Variants in ERBB4 observed in about 807,000 individuals in gnomAD.
ERBB4 encodes the protein erb-b2 receptor tyrosine kinase 4.
Under a neutral mutation model 158.0 loss-of-function variants are expected in ERBB4, and 42 were observed. That is an observed-to-expected ratio of 0.27 (90% CI 0.21 to 0.34). The LOEUF (loss-of-function observed/expected upper bound fraction) is 0.34, where lower values mean the gene tolerates loss of function less well. Ranked by LOEUF, ERBB4 falls within the 10% of genes least tolerant of loss-of-function variation. ERBB4 has a pLI of 1.00. For synonymous variants in ERBB4, 583 were observed against 558.7 expected (o/e 1.04, Z -0.61); for missense variants, 1,333 against 1,624.1 (o/e 0.82, Z 3.08).
At chr2:212,444,335 T>A (rs111642655) in intron 1 of ERBB4, among the ~76,000 whole-genome samples, 5,857 of 152,234 alleles carry the variant, frequency 0.038, 394 homozygotes, top group African/African-American at 0.13. Flanking sequence ...TACACCTGGT[T>A]GTGCACCTTG....
At chr2:212,376,940 T>C (rs2090342716) in intron 1 of ERBB4, among the ~76,000 whole-genome samples, 2 of 152,000 alleles carry the variant, frequency 1.3e-5, no homozygotes, top group Non-Finnish European at 2.9e-5. Flanking sequence ...TCTGTCTTTA[T>C]TTCATTGTCT....
At chr2:212,079,829 G>C (rs566434057) in intron 2 of ERBB4, among the ~76,000 whole-genome samples, 16 of 152,056 alleles carry the variant, frequency 1.1e-4, no homozygotes, top group South Asian at 8.3e-4. Flanking sequence ...TTCTTTCTTT[G>C]ATAGTGCAAA....
At chr2:212,494,570 A>G (rs77407292) in intron 1 of ERBB4, among the ~76,000 whole-genome samples, 3 of 151,992 alleles carry the variant, frequency 2.0e-5, no homozygotes, top group Admixed American at 2.0e-4. Context: ...ATCCCCAGGA[A>G]ATGCCCAGGT....
intron 1 of ERBB4, among the ~76,000 whole-genome samples, chr2:212,129,317 C>CTT (rs2080036249): frequency 5.9e-5 from 9 of 151,436 alleles, no homozygotes; most frequent in African/African-American, 1.7e-4. Context: ...TATATAGAAG[C>CTT]TTAAACAACC....
intron 1 of ERBB4, among the ~76,000 whole-genome samples, chr2:212,199,467 T>C (rs2082528619): frequency 6.6e-6 from 1 of 152,220 alleles, no homozygotes; most frequent in African/African-American, 2.4e-5. Context: ...TCACAATTTG[T>C]AGTAGATACA....
chr2:211,644,680 G>A (rs1054180866), intron 16 of ERBB4, among the ~76,000 whole-genome samples: 1 of 151,856 alleles, frequency 6.6e-6, no homozygotes, highest in Non-Finnish European at 1.5e-5. Flanking sequence ...TTAACAATCA[G>A]CCATATGTAA....
At chr2:211,691,639 C>A (rs537291424) in intron 12 of ERBB4, among the ~76,000 whole-genome samples, 47 of 148,896 alleles carry the variant, frequency 3.2e-4, no homozygotes, top group African/African-American at 1.1e-3. Context: ...ACATAGAATA[C>A]AGCAGTTGTC....
intron 16 of ERBB4, among the ~76,000 whole-genome samples, chr2:211,655,333 T>C (rs551422896): frequency 6.6e-6 from 1 of 152,266 alleles, no homozygotes; most frequent in African/African-American, 2.4e-5. Context: ...GTTTGAGAAT[T>C]TTTGATGTAC....
chr2:211,804,509 C>CA (rs1012914162), intron 3 of ERBB4, among the ~76,000 whole-genome samples: 24 of 152,024 alleles, frequency 1.6e-4, no homozygotes, highest in Non-Finnish European at 1.5e-4. Context: ...AATACAATTC[C>CA]AAAAAAGTCT....
In ERBB4 at chr2:212,329,971, C is replaced by T. The variant is rs531482529; in HGVS notation, c.83-205068G>A. ...TAAAAGAGTCCACTGAAATCAAAAA[C>T]CATCTGGCTGTAGATCAATCTCTGA... On this transcript the variant is annotated intron_variant, in intron 1 of 27. Coordinates refer to ENST00000342788, the MANE Select transcript of ERBB4 (RefSeq NM_005235.3). Among the ~76,000 whole-genome samples, 69 of 152,016 alleles carry T rather than the reference C, an allele frequency of 4.5e-4. 1 individual carries two copies. Among genetic ancestry groups the T allele is most frequent in the Non-Finnish European group, 8.1e-4 (55 of 67,956 alleles).
At chr2:212,298,784 T>C (rs2086513193) in intron 1 of ERBB4, among the ~76,000 whole-genome samples, 1 of 151,778 alleles carries the variant, frequency 6.6e-6, no homozygotes, top group Admixed American at 6.6e-5. Context: ...ATGATTTTTT[T>C]GTTGAGACAG....
chr2:211,597,891 A>T (rs2068685832), intron 19 of ERBB4, among the ~76,000 whole-genome samples: 1 of 152,176 alleles, frequency 6.6e-6, no homozygotes, highest in South Asian at 2.1e-4. Flanking sequence ...AAAAAGAAAG[A>T]TTATATCTTT....
chr2:211,750,238 T>C (rs1488402862), intron 5 of ERBB4, among the ~76,000 whole-genome samples: 1 of 152,234 alleles, frequency 6.6e-6, no homozygotes, highest in Admixed American at 6.5e-5. Flanking sequence ...TAGTACCCTT[T>C]CTTTTTTCTT....
chr2:211,848,093 C>G (rs981154724), intron 3 of ERBB4, among the ~76,000 whole-genome samples: 1 of 152,066 alleles, frequency 6.6e-6, no homozygotes, highest in Non-Finnish European at 1.5e-5. Flanking sequence ...CATTCTGTAT[C>G]CTCTATTTAA....
At chr2:211,539,315 T>C (rs146227485) in intron 20 of ERBB4, among the ~76,000 whole-genome samples, 4 of 152,066 alleles carry the variant, frequency 2.6e-5, no homozygotes, top group African/African-American at 7.2e-5. Context: ...TGCTGTATGA[T>C]TTTTTGTGCT....
At chr2:212,469,955 C>T (rs1180351738) in intron 1 of ERBB4, among the ~76,000 whole-genome samples, 2 of 152,058 alleles carry the variant, frequency 1.3e-5, no homozygotes, top group African/African-American at 2.4e-5. Context: ...CTGTATTATT[C>T]TAAGTTAAGT....
At chr2:212,051,678 T>C (rs570886277) in intron 2 of ERBB4, among the ~76,000 whole-genome samples, 5 of 152,298 alleles carry the variant, frequency 3.3e-5, no homozygotes, top group Admixed American at 2.0e-4. Flanking sequence ...TTTTAAACTA[T>C]AATGTGGTCA....
intron 3 of ERBB4, among the ~76,000 whole-genome samples, chr2:211,824,223 C>T (rs1253855211): frequency 2.0e-5 from 3 of 152,020 alleles, no homozygotes; most frequent in African/African-American, 7.2e-5. Context: ...CTCATTCCTT[C>T]TCAGCTAATT....
intron 20 of ERBB4, among the ~76,000 whole-genome samples, chr2:211,483,341 A>C (rs1390042193): frequency 6.6e-6 from 1 of 152,206 alleles, no homozygotes; most frequent in East Asian, 1.9e-4. Flanking sequence ...ATAAATCCAC[A>C]GATCCAAGTA....
Sources: allele counts gnomAD v4.1 joint callset (sites outside exome capture counted in the v4.1 genomes callset), GRCh38; gene constraint gnomAD v4.1.1; transcripts MANE v1.5; gene names NCBI Gene and HGNC (gene_info 2026-07-23, HGNC 2026-07-21).